LHFPL3: variants seen among roughly 807,000 people sequenced by gnomAD.
LHFPL3 encodes the protein LHFPL tetraspan subfamily member 3.
LHFPL3 carries 5 observed loss-of-function variants against 19.3 expected under a neutral mutation model. The observed-to-expected ratio is 0.26, with a 90% confidence interval of 0.14 to 0.54. LHFPL3 has a LOEUF of 0.54. Among genes scored for constraint, LHFPL3 ranks in the 20% least tolerant of loss-of-function variants. LHFPL3 has a pLI of 0.94. For missense variants in LHFPL3, 249 were observed against 307.4 expected, an observed-to-expected ratio of 0.81 and a Z score of 1.42; for synonymous variants, 133 against 126.2, an observed-to-expected ratio of 1.05 and a Z score of -0.36.
intron 1 of LHFPL3, among the ~76,000 whole-genome samples, chr7:104,492,219 A>G (rs1793368505): frequency 6.6e-6 from 1 of 152,228 alleles, no homozygotes; most frequent in Non-Finnish European, 1.5e-5. Flanking sequence ...CTTGTTATGC[A>G]TGTGATGTTC....
intron 1 of LHFPL3, among the ~76,000 whole-genome samples, chr7:104,709,924 G>A (rs961426670): frequency 2.0e-5 from 3 of 152,120 alleles, no homozygotes; most frequent in Admixed American, 6.5e-5. Flanking sequence ...ACGGGGTGGC[G>A]GCCAGGCAGA....
At chr7:104,701,249 T>G (rs905652496) in intron 1 of LHFPL3, among the ~76,000 whole-genome samples, 1 of 152,186 alleles carries the variant, frequency 6.6e-6, no homozygotes, top group Non-Finnish European at 1.5e-5. Flanking sequence ...GGTGAATTTT[T>G]TTCTCTCTAG....
intron 1 of LHFPL3, among the ~76,000 whole-genome samples, chr7:104,498,660 T>C (rs945379691): frequency 6.6e-6 from 1 of 152,124 alleles, no homozygotes; most frequent in Non-Finnish European, 1.5e-5. Flanking sequence ...GTATTTTTAG[T>C]AGAGACGGGG....
intron 2 of LHFPL3, among the ~76,000 whole-genome samples, chr7:104,769,501 C>G (rs949668635): frequency 2.0e-5 from 3 of 152,090 alleles, no homozygotes. Flanking sequence ...GGTACATGTG[C>G]AGAACATGCA....
At position 104,633,582 on chromosome 7, in the gene LHFPL3, T is replaced by G. The variant is rs570797439; in HGVS notation, c.446-103093T>G. Among the ~76,000 whole-genome samples, 3 of 152,354 alleles carry G rather than the reference T, an allele frequency of 2.0e-5. No individual in the cohort carries two copies. The South Asian group carries it at 6.2e-4, about 32-fold the overall frequency. On this transcript the variant is annotated intron_variant, in intron 1 of 2. Coordinates refer to ENST00000424859, the MANE Select transcript of LHFPL3 (RefSeq NM_199000.3). Reference sequence around the variant, plus strand: ...AGAAATCACCTCGGCTTGCCATTCTTGTACAGCTTCCTTCCTAAAATGATA... The same window carrying G: ...AGAAATCACCTCGGCTTGCCATTCTGGTACAGCTTCCTTCCTAAAATGATA...
intron 2 of LHFPL3, among the ~76,000 whole-genome samples, chr7:104,847,576 TCTCAG>T (rs1235389381): frequency 6.6e-6 from 1 of 152,226 alleles, no homozygotes; most frequent in African/African-American, 2.4e-5. Context: ...AGTGGCACGA[TCTCAG>T]CTCACTGCAA....
intron 2 of LHFPL3, among the ~76,000 whole-genome samples, chr7:104,833,070 A>ATTATATATATCTATTATATATAATATATC (rs1791010295): frequency 5.3e-5 from 1 of 18,988 alleles, no homozygotes; most frequent in Admixed American, 1.0e-3. Flanking sequence ...TATAATATAT[A>ATTATATATATCTATTATATATAATATATC]TATTATATAT....
intron 1 of LHFPL3, among the ~76,000 whole-genome samples, chr7:104,558,940 C>G (rs1789923907): frequency 6.8e-6 from 1 of 147,536 alleles, no homozygotes; most frequent in Admixed American, 6.6e-5. Flanking sequence ...ATAGGGAATC[C>G]TTTCCCCATT....
intron 1 of LHFPL3, among the ~76,000 whole-genome samples, chr7:104,552,396 A>T (rs145649872): frequency 3.1e-4 from 47 of 152,280 alleles, no homozygotes; most frequent in Middle Eastern, 3.4e-3. Flanking sequence ...CTCCTAATTA[A>T]TTAGAGCTCA....
intron 1 of LHFPL3, among the ~76,000 whole-genome samples, chr7:104,567,070 T>C (rs1381485277): frequency 6.6e-6 from 1 of 152,220 alleles, no homozygotes; most frequent in Admixed American, 6.5e-5. Flanking sequence ...ATATTTTCCA[T>C]AGCTTGAATA....
chr7:104,506,243 C>T lies in LHFPL3; in HGVS notation c.445+177019C>T, dbSNP rs556367011. Among the ~76,000 whole-genome samples the T allele has an allele frequency of 6.0e-4, 91 of 152,082 alleles. 1 individual carries two copies. Among genetic ancestry groups the T allele is most frequent in the Middle Eastern group, 3.4e-3 (1 of 294 alleles). ...GATTTTATAAGGAAATCCCCGCCCC[C>T]GCTGCCCCCACCCAACCCCACCGCC... On this transcript the variant is annotated intron_variant, in intron 1 of 2. Transcript: ENST00000424859.
chr7:104,394,501 C>T (rs1791143454), intron 1 of LHFPL3, among the ~76,000 whole-genome samples: 1 of 152,070 alleles, frequency 6.6e-6, no homozygotes, highest in Non-Finnish European at 1.5e-5. Context: ...AAGAAATCCT[C>T]TTTGAGCATG....
intron 1 of LHFPL3, among the ~76,000 whole-genome samples, chr7:104,344,858 C>CTT (rs142806083): frequency 1.4e-4 from 22 of 152,062 alleles, no homozygotes; most frequent in African/African-American, 4.8e-4. Flanking sequence ...TAAAATTGGT[C>CTT]TTTTTTTGTT....
At chr7:104,531,052 C>T (rs936741057) in intron 1 of LHFPL3, among the ~76,000 whole-genome samples, 1 of 152,108 alleles carries the variant, frequency 6.6e-6, no homozygotes, top group Non-Finnish European at 1.5e-5. Context: ...TGGAACAGGG[C>T]CTGGAATAGT....
intron 1 of LHFPL3, among the ~76,000 whole-genome samples, chr7:104,583,007 T>C (rs1790490467): frequency 6.6e-6 from 1 of 152,020 alleles, no homozygotes; most frequent in Non-Finnish European, 1.5e-5. Context: ...ACACTGGGAA[T>C]ATCCATGTTC....
intron 1 of LHFPL3, among the ~76,000 whole-genome samples, chr7:104,369,530 T>C (rs1410654777): frequency 6.6e-6 from 1 of 152,246 alleles, no homozygotes; most frequent in Non-Finnish European, 1.5e-5. Flanking sequence ...TTTGTATTTC[T>C]TTTGAATAGA....
chr7:104,341,240 A>G lies in LHFPL3; in HGVS notation c.445+12016A>G, dbSNP rs527610395. ...ATTTAAAATTTTCAGATTTATGCTCAAATGAAGGTTATGTTGTTCTATTTT... is the reference window on the plus strand; with the variant it reads ...ATTTAAAATTTTCAGATTTATGCTCGAATGAAGGTTATGTTGTTCTATTTT... On this transcript the variant is annotated intron_variant, in intron 1 of 2. Transcript: ENST00000424859. Among the ~76,000 whole-genome samples the G allele has an allele frequency of 2.6e-5, 4 of 152,348 alleles. No homozygotes were observed. In the South Asian group the frequency reaches 8.3e-4, roughly 32 times the overall value.
chr7:104,702,100 C>T (rs1793114713), intron 1 of LHFPL3, among the ~76,000 whole-genome samples: 1 of 151,866 alleles, frequency 6.6e-6, no homozygotes, highest in Non-Finnish European at 1.5e-5. Context: ...TTGTTCAACT[C>T]CCACTTATGG....
chr7:104,478,320 G>C (rs970855501), intron 1 of LHFPL3, among the ~76,000 whole-genome samples: 4 of 152,248 alleles, frequency 2.6e-5, no homozygotes, highest in Admixed American at 2.0e-4. Context: ...TGGGTCTTCA[G>C]TCATCAGGGA....
Sources: gnomAD v4.1 joint callset for allele counts (sites outside exome capture counted in the v4.1 genomes callset) on GRCh38, gnomAD v4.1.1 for gene constraint, MANE v1.5 for transcripts, NCBI Gene and HGNC (gene_info 2026-07-23, HGNC 2026-07-21) for gene names.